Variants in SGMS2 observed in about 807,000 individuals in gnomAD.
The protein encoded by SGMS2 is sphingomyelin synthase 2, also known as phosphatidylcholine:ceramide cholinephosphotransferase 2.
A neutral mutation model predicts 43.8 loss-of-function variants in SGMS2; 21 were observed. The ratio of observed to expected loss-of-function variants is 0.48; its 90% CI spans 0.34 to 0.69. SGMS2 has a LOEUF of 0.69. Ranked by LOEUF, SGMS2 falls within the 30% of genes least tolerant of loss-of-function variation. SGMS2 has a pLI of 0.01. For synonymous variants in SGMS2, 167 were observed against 160.6 expected (o/e 1.04, Z -0.30); for missense variants, 384 against 443.2 (o/e 0.87, Z 1.20).
chr4:107,903,105 T>C, intron 4 of SGMS2, 128 bp from the exon 5 acceptor site: 1 of 847,538 alleles, frequency 1.2e-6, no homozygotes, highest in East Asian at 2.4e-5. Flanking sequence ...TGGATTCTTT[T>C]TGACTTTCTA....
At chr4:107,846,310 T>C (rs1166181754) in intron 1 of SGMS2, among the ~76,000 whole-genome samples, 44 of 132,674 alleles carry the variant, frequency 3.3e-4, no homozygotes, top group Admixed American at 6.1e-4. Context: ...CCCCTTCCTG[T>C]GTCCATGTGT....
chr4:107,843,299 C>T (rs1726626074), intron 1 of SGMS2, among the ~76,000 whole-genome samples: 1 of 152,038 alleles, frequency 6.6e-6, no homozygotes, highest in African/African-American at 2.4e-5. Context: ...CATTTGTTCT[C>T]AAAAACGTTT....
chr4:107,848,801 G>GT (rs1578523946), intron 1 of SGMS2, among the ~76,000 whole-genome samples: 2 of 152,078 alleles, frequency 1.3e-5, no homozygotes, highest in Non-Finnish European at 2.9e-5. Context: ...TTTAGAATAT[G>GT]TTTTTTATCA....
intron 1 of SGMS2, among the ~76,000 whole-genome samples, chr4:107,828,348 C>A (rs1034340842): frequency 1.3e-5 from 2 of 152,286 alleles, no homozygotes; most frequent in East Asian, 3.9e-4. Context: ...ACTCTTATTA[C>A]CTTCTTTTAC....
intron 2 of SGMS2, among the ~76,000 whole-genome samples, chr4:107,868,441 G>A (rs868112718): frequency 1.3e-5 from 2 of 152,196 alleles, no homozygotes; most frequent in Non-Finnish European, 1.5e-5. Flanking sequence ...TGCCCGCCAG[G>A]TGTGGTGGCT....
intron 2 of SGMS2, among the ~76,000 whole-genome samples, chr4:107,873,108 T>A (rs1448692806): frequency 6.6e-6 from 1 of 152,214 alleles, no homozygotes; most frequent in Non-Finnish European, 1.5e-5. Context: ...TACATTTTAA[T>A]GGGATTTGTT....
intron 2 of SGMS2, among the ~76,000 whole-genome samples, chr4:107,885,026 G>T (rs1165840442): frequency 6.6e-6 from 1 of 152,166 alleles, no homozygotes; most frequent in African/African-American, 2.4e-5. Context: ...GTGGATGGCA[G>T]TTTCATTAGT....
chr4:107,889,029 C>T (rs1729990341), intron 2 of SGMS2, among the ~76,000 whole-genome samples: 1 of 152,136 alleles, frequency 6.6e-6, no homozygotes, highest in South Asian at 2.1e-4. Context: ...TCCAATCTGT[C>T]CTTGTTCATT....
At chr4:107,884,688 T>A (rs1172166548) in intron 2 of SGMS2, among the ~76,000 whole-genome samples, 1 of 152,130 alleles carries the variant, frequency 6.6e-6, no homozygotes, top group Non-Finnish European at 1.5e-5. Flanking sequence ...ATGCAACCGT[T>A]TATCTCTTAT....
At chr4:107,908,803 TTTAGA>T (rs1364894696) in intron 6 of SGMS2, 72 bp downstream of exon 6, 19 of 1,384,064 alleles carry the variant, frequency 1.4e-5, no homozygotes, top group Middle Eastern at 4.3e-4. Context: ...GTCGTGGGGT[TTTAGA>T]TAGCCTAATG....
chr4:107,855,877 TG>T (rs769058384), intron 1 of SGMS2, among the ~76,000 whole-genome samples: 1 of 152,172 alleles, frequency 6.6e-6, no homozygotes, highest in Non-Finnish European at 1.5e-5. Flanking sequence ...TTAAGGACCT[TG>T]TTAAGTTAGT....
intron 5 of SGMS2, chr4:107,907,286 T>G (rs1261112515): frequency 6.6e-6 from 1 of 152,244 alleles, no homozygotes; most frequent in Non-Finnish European, 1.5e-5. Flanking sequence ...AGATTATATT[T>G]GAATGATACC....
intron 2 of SGMS2, chr4:107,864,136 C>A (rs1473147537): frequency 6.6e-6 from 1 of 152,174 alleles, no homozygotes; most frequent in Non-Finnish European, 1.5e-5. Flanking sequence ...GGGAGAAAGC[C>A]AATGGCATTC....
chr4:107,897,327 A>T (rs972430743), intron 3 of SGMS2, among the ~76,000 whole-genome samples: 3 of 152,222 alleles, frequency 2.0e-5, no homozygotes, highest in Non-Finnish European at 2.9e-5. Flanking sequence ...TCTTTTACTT[A>T]AAAAAGTAAC....
intron 3 of SGMS2, among the ~76,000 whole-genome samples, chr4:107,897,340 G>C (rs539324569): frequency 1.3e-5 from 2 of 152,278 alleles, no homozygotes; most frequent in South Asian, 4.1e-4. Flanking sequence ...AAAGTAACCT[G>C]CTCCTGAAAT....
At chr4:107,858,416 A>G (rs1727545566) in intron 1 of SGMS2, 56 bp from the exon 2 acceptor site, 1 of 152,498 alleles carries the variant, frequency 6.6e-6, no homozygotes. Context: ...GAAAACTAGC[A>G]AAACATAGCA....
chr4:107,881,088 C>A (rs931280669), intron 2 of SGMS2, among the ~76,000 whole-genome samples: 5 of 151,700 alleles, frequency 3.3e-5, no homozygotes, highest in African/African-American at 1.2e-4. Context: ...TTTTTCCCCA[C>A]AATAGTGGTG....
At chr4:107,836,853 A>G (rs1214686919) in intron 1 of SGMS2, among the ~76,000 whole-genome samples, 1 of 152,162 alleles carries the variant, frequency 6.6e-6, no homozygotes, top group East Asian at 1.9e-4. Context: ...AGACTGGGAG[A>G]GAGGATGGGC....
chr4:107,887,352 T>G (rs1317125338), intron 2 of SGMS2, among the ~76,000 whole-genome samples: 1 of 152,162 alleles, frequency 6.6e-6, no homozygotes, highest in East Asian at 1.9e-4. Context: ...TGGAAAGAAA[T>G]TTGTTACCTC....
Sources: allele counts gnomAD v4.1 joint callset (sites outside exome capture counted in the v4.1 genomes callset), GRCh38; gene constraint gnomAD v4.1.1; transcripts MANE v1.5; gene names NCBI Gene and HGNC (gene_info 2026-07-23, HGNC 2026-07-21).